The following RCOR1 variants were observed in gnomAD, a reference collection of about 807,000 sequenced individuals.
RCOR1 encodes REST corepressor.
A neutral mutation model predicts 64.0 loss-of-function variants in RCOR1; 12 were observed. That is an observed-to-expected ratio of 0.19 (90% CI 0.12 to 0.30). RCOR1 has a LOEUF of 0.30. Among genes scored for constraint, RCOR1 ranks in the 10% least tolerant of loss-of-function variants. The probability of loss-of-function intolerance (pLI) is 1.00; values close to 1 mark genes in which losing one functional copy is unlikely to be tolerated. For synonymous variants in RCOR1, 279 were observed against 227.2 expected (o/e 1.23, Z -2.05); for missense variants, 502 against 621.2 (o/e 0.81, Z 2.04).
intron 6 of RCOR1, among the ~76,000 whole-genome samples, chr14:102,709,569 G>T (rs892009109): frequency 1.2e-4 from 19 of 152,292 alleles, no homozygotes; most frequent in African/African-American, 4.3e-4. Context: ...CACTTTTGGA[G>T]AATTCAAACC....
chr14:102,666,154 G>T (rs1438717701), intron 2 of RCOR1, among the ~76,000 whole-genome samples: 1 of 152,108 alleles, frequency 6.6e-6, no homozygotes, highest in Non-Finnish European at 1.5e-5. Context: ...AGAAGGAAGT[G>T]GGTTAGAGGA....
At chr14:102,655,110 CTTTTTTTTTTTTT>C (rs67404203) in intron 2 of RCOR1, 3 of 104,530 alleles carry the variant, frequency 2.9e-5, no homozygotes, top group Non-Finnish European at 4.9e-5. Context: ...CGCGGACAAC[CTTTTTTTTTTTTT>C]TTTTTTTTTT....
At chr14:102,641,550 A>G (rs1894368698) in intron 2 of RCOR1, among the ~76,000 whole-genome samples, 1 of 152,120 alleles carries the variant, frequency 6.6e-6, no homozygotes, top group Non-Finnish European at 1.5e-5. Flanking sequence ...CAGTGAGCCA[A>G]GATGTCGCCA....
chr14:102,682,818 A>AT (rs1407572988), intron 3 of RCOR1, among the ~76,000 whole-genome samples: 7 of 152,074 alleles, frequency 4.6e-5, no homozygotes, highest in South Asian at 2.1e-4. Flanking sequence ...CAGGAGGAAG[A>AT]TTTTTTCTCT....
chr14:102,720,014 T>C (rs1313249141), intron 8 of RCOR1, among the ~76,000 whole-genome samples: 1 of 152,226 alleles, frequency 6.6e-6, no homozygotes, highest in Non-Finnish European at 1.5e-5. Flanking sequence ...ATGTCTAGCA[T>C]GGCAGCCAGC....
intron 2 of RCOR1, among the ~76,000 whole-genome samples, chr14:102,639,460 G>A (rs1350016479): frequency 1.3e-5 from 2 of 150,564 alleles, no homozygotes; most frequent in African/African-American, 2.4e-5. Context: ...ATACATGTAT[G>A]CATCAGCATG....
At chr14:102,627,960 G>GGTGTGT (rs3069199) in intron 2 of RCOR1, among the ~76,000 whole-genome samples, 2,159 of 149,042 alleles carry the variant, frequency 0.014, 43 homozygotes, top group African/African-American at 0.048. Flanking sequence ...ATTTAAAAGG[G>GGTGTGT]GTGTGTGTGT....
At chr14:102,666,651 T>G (rs1005073019) in intron 2 of RCOR1, among the ~76,000 whole-genome samples, 1 of 152,240 alleles carries the variant, frequency 6.6e-6, no homozygotes, top group African/African-American at 2.4e-5. Context: ...TGTTTTAGTT[T>G]TAAGAAGTAC....
At chr14:102,648,997 T>TA (rs1413715417) in intron 2 of RCOR1, among the ~76,000 whole-genome samples, 2 of 151,746 alleles carry the variant, frequency 1.3e-5, no homozygotes, top group African/African-American at 2.4e-5. Context: ...TGTTGAGACT[T>TA]ACACATGTAG....
chr14:102,626,243 T>A (rs767746401), intron 2 of RCOR1, among the ~76,000 whole-genome samples: 1 of 152,230 alleles, frequency 6.6e-6, no homozygotes, highest in South Asian at 2.1e-4. Flanking sequence ...ATTAGTTCTT[T>A]TGGCTATGCC....
chr14:102,659,045 G>A, intron 2 of RCOR1: 1 of 810,128 alleles, frequency 1.2e-6, no homozygotes, highest in South Asian at 5.6e-5. Context: ...CTCCTAGAGG[G>A]GAGTGGGGAA....
At chr14:102,655,428 G>A in intron 2 of RCOR1, 4 of 984,674 alleles carry the variant, frequency 4.1e-6, no homozygotes, top group Non-Finnish European at 4.8e-6. Flanking sequence ...CCTTAACTAT[G>A]GCATGTTTTA....
At chr14:102,612,029 A>T (rs917726534) in intron 2 of RCOR1, among the ~76,000 whole-genome samples, 1 of 148,888 alleles carries the variant, frequency 6.7e-6, no homozygotes, top group African/African-American at 2.5e-5. Context: ...GGCCTTGAAG[A>T]CTCCAGGGTT....
chr14:102,676,453 G>A (rs1451842670), intron 2 of RCOR1, among the ~76,000 whole-genome samples: 1 of 111,300 alleles, frequency 9.0e-6, no homozygotes, highest in Non-Finnish European at 1.8e-5. Context: ...CGGGGCGGCC[G>A]GCCGGGCGGG....
At chr14:102,647,638 A>G (rs1329878865) in intron 2 of RCOR1, among the ~76,000 whole-genome samples, 1 of 152,128 alleles carries the variant, frequency 6.6e-6, no homozygotes, top group African/African-American at 2.4e-5. Flanking sequence ...ATTCTATGCC[A>G]AACTGTAGTA....
intron 2 of RCOR1, among the ~76,000 whole-genome samples, chr14:102,674,655 A>T (rs1043515542): frequency 1.1e-4 from 16 of 152,160 alleles, no homozygotes; most frequent in African/African-American, 3.9e-4. Flanking sequence ...GTACAGCCCT[A>T]CTAGCCGTGT....
At chr14:102,705,573 C>T (rs1039306540) in intron 4 of RCOR1, among the ~76,000 whole-genome samples, 3 of 152,228 alleles carry the variant, frequency 2.0e-5, no homozygotes, top group African/African-American at 7.2e-5. Context: ...CTCAGCCCCC[C>T]AAGTAGCTGC....
intron 2 of RCOR1, among the ~76,000 whole-genome samples, chr14:102,668,748 C>T (rs1463623219): frequency 6.6e-6 from 1 of 151,934 alleles, no homozygotes; most frequent in African/African-American, 2.4e-5. Flanking sequence ...GTGAATAGAG[C>T]ATTTATTATC....
chr14:102,622,767 C>T (rs1243112941), intron 2 of RCOR1, among the ~76,000 whole-genome samples: 1 of 152,180 alleles, frequency 6.6e-6, no homozygotes, highest in African/African-American at 2.4e-5. Flanking sequence ...TTCACAGTAG[C>T]ATGTCCTCTT....
Sources: allele counts gnomAD v4.1 joint callset (sites outside exome capture counted in the v4.1 genomes callset), GRCh38; gene constraint gnomAD v4.1.1; transcripts MANE v1.5; gene names NCBI Gene and HGNC (gene_info 2026-07-23, HGNC 2026-07-21).